The following CACNA1F variants were observed in gnomAD, a reference collection of about 807,000 sequenced individuals.
CACNA1F encodes voltage-dependent L-type calcium channel subunit alpha-1F.
In CACNA1F, 59 loss-of-function variants were observed where a neutral mutation model predicts 143.8. That is an observed-to-expected ratio of 0.41 (90% CI 0.33 to 0.51). The LOEUF is 0.51. Ranked by LOEUF, CACNA1F falls within the 20% of genes least tolerant of loss-of-function variation. The probability of loss-of-function intolerance (pLI) is 0.22; values close to 1 mark genes in which losing one functional copy is unlikely to be tolerated. For synonymous variants in CACNA1F, 643 were observed against 649.1 expected (o/e 0.99, Z 0.14); for missense variants, 1,411 against 1,647.5 (o/e 0.86, Z 2.48).
At position 49,215,146 on chromosome X, in the gene CACNA1F, A is replaced by AGC; in HGVS notation, c.3535_3536dup (p.Ala1180LeufsTer6). The AGC allele has an allele frequency of 8.3e-7, 1 of 1,210,066 alleles. No individual in the cohort carries two copies. The highest frequency in any genetic ancestry group is 1.1e-6 in the Non-Finnish European group (1 of 893,935). On this transcript the variant is annotated frameshift_variant, in exon 29 of 48. Transcript: ENST00000323022. LOFTEE classifies it high-confidence loss of function. Reference sequence around the variant, plus strand: ...GCAGGAACATCAGGTACTCAAAGGCAGCAGAGTTCACAGTGGCCCACACAC... The same window carrying AGC: ...GCAGGAACATCAGGTACTCAAAGGCAGCGCAGAGTTCACAGTGGCCCACACAC...
At position 49,223,040 on chromosome X, in the gene CACNA1F, G is replaced by A; in HGVS notation, c.1974C>T (p.Ile658=). The A allele has an allele frequency of 2.5e-6, 3 of 1,201,157 alleles. No homozygotes were observed. In the African/African-American group the frequency reaches 5.2e-5, roughly 21 times the overall value. The change falls in exon 15 of 48, where the codon ATC becomes ATT. Residue 658 remains isoleucine, a synonymous_variant. Coordinates refer to ENST00000323022, the MANE Select transcript of CACNA1F (RefSeq NM_001256789.3). The stretch of plus-strand genomic sequence containing the variant: ...ACAGCTGCATGCCAAGCAGGGAGAA[G>A]ATAATGATGAAGAGGAAGAGGAGAA... ...LLLLLFLFII[I]FSLLGMQLFG...
chrX:49,206,428 T>C, intron 46 of CACNA1F, 83 bp downstream of exon 46: 1 of 467,793 alleles, frequency 2.1e-6, no homozygotes. Context: ...AAGGGCCTGA[T>C]ATGTGCTGTG....
rs782364419 is a variant in CACNA1F, at chrX:49,208,645, C to A, written c.4993G>T (p.Gly1665Trp). The change falls in exon 43 of 48, where the codon GGG becomes TGG. Residue 1665 changes from glycine (G) to tryptophan (W), a missense_variant. Transcript: ENST00000323022. ...VSQPSARRGS[G>W]ISVSLPVGDR... ...CCGACAGGCAGAGACACAGAAATCCCGGAGCCCCGGCGAGCTGAGGGCTGG... is the reference window on the plus strand; with the variant it reads ...CCGACAGGCAGAGACACAGAAATCCAGGAGCCCCGGCGAGCTGAGGGCTGG... 8.3e-7 allele frequency: 1 copy of A among 1,210,601 alleles called. No individual in the cohort carries two copies. The highest frequency in any genetic ancestry group is 3.0e-5 in the East Asian group (1 of 33,809).
chrX:49,213,753 C>A (rs1439218905), intron 31 of CACNA1F, 66 bp downstream of exon 31: 11 of 810,185 alleles, frequency 1.4e-5, no homozygotes, highest in Non-Finnish European at 2.1e-5. Flanking sequence ...TGAAAGGGAA[C>A]CCCGGGATAG....
chrX:49,232,637 G>GAATCAAA lies in CACNA1F; in HGVS notation c.25+641_25+647dup, dbSNP rs2065888574. Among the ~76,000 whole-genome samples the GAATCAAA allele has an allele frequency of 3.6e-5, 4 of 111,763 alleles. No homozygotes were observed. In the South Asian group the frequency reaches 1.5e-3, roughly 42 times the overall value. Reference sequence around the variant, plus strand: ...GTGTTATGAGGATTAAATGAGTTCAGAATCAAAAGAATGCCTGGCACATAG... The same window carrying GAATCAAA: ...GTGTTATGAGGATTAAATGAGTTCAGAATCAAAAATCAAAAGAATGCCTGGCACATAG... On this transcript the variant is annotated intron_variant, in intron 1 of 47. Transcript: ENST00000323022.
At position 49,219,318 on chromosome X, in the gene CACNA1F, C is replaced by A; in HGVS notation, c.2673+3G>T. ...AGCTCCTAGCTCCCAGCCAAAGGCTCACATGGTTGCGGAAGGAGTGGGCTC... is the reference window on the plus strand; with the variant it reads ...AGCTCCTAGCTCCCAGCCAAAGGCTAACATGGTTGCGGAAGGAGTGGGCTC... On this transcript the variant is annotated splice_donor_region_variant and intron_variant, in intron 21 of 47. Transcript: ENST00000323022. 8.3e-7 allele frequency: 1 copy of A among 1,207,693 alleles called. No homozygotes were observed. The highest frequency in any genetic ancestry group is 1.1e-6 in the Non-Finnish European group (1 of 893,811).
intron 1 of CACNA1F, 126 bp from the exon 2 acceptor site, chrX:49,232,053 G>T: frequency 1.5e-6 from 1 of 686,803 alleles, no homozygotes; most frequent in Non-Finnish European, 2.1e-6. Flanking sequence ...AGAACTGGGA[G>T]TAGCTGGGTT....
chrX:49,227,249 G>T, intron 8 of CACNA1F, 122 bp from the exon 9 acceptor site: 1 of 558,831 alleles, frequency 1.8e-6, no homozygotes, highest in Non-Finnish European at 3.0e-6. Context: ...TAGCCTCAGG[G>T]CCTTTGCACT....
chrX:49,216,372 T>C lies in CACNA1F; in HGVS notation c.3236+10A>G. ...TCATCCCCTGATAAACCCAGGGCCC[T>C]GTCCCTCACGCAGGCCAGCCTTCAA... On this transcript the variant is annotated intron_variant, in intron 27 of 47. Transcript: ENST00000323022. The C allele has an allele frequency of 8.3e-7, 1 of 1,209,478 alleles. No homozygotes were observed. The highest frequency in any genetic ancestry group is 1.7e-5 in the African/African-American group (1 of 57,879).
At position 49,228,300 on chromosome X, in the gene CACNA1F, G is replaced by A. The variant is rs1557110487; in HGVS notation, c.965C>T (p.Thr322Ile). The stretch of plus-strand genomic sequence containing the variant: ...TTCCATGGTGACACACTGGAAGACT[G>A]TCAGCATGGCGAAGAAGAAGTTGTC... ...NFDNFFFAMLTVFQCVTMEGW... is the reference protein window; with the variant it reads ...NFDNFFFAMLIVFQCVTMEGW... The change falls in exon 7 of 48, where the codon ACA becomes ATA. Residue 322 changes from threonine (T) to isoleucine (I), a missense_variant. This residue lies in a region of CACNA1F where 950 missense variants were observed against 1,128.1 expected (regional missense o/e 0.84). Transcript: ENST00000323022. 8.3e-7 allele frequency: 1 copy of A among 1,211,964 alleles called. No homozygotes were observed. The highest frequency in any genetic ancestry group is 2.2e-5 in the Admixed American group (1 of 46,124).
At chrX:49,229,642 C>T (rs782290600) in intron 6 of CACNA1F, among the ~76,000 whole-genome samples, 149 of 108,061 alleles carry the variant, frequency 1.4e-3, no homozygotes, top group African/African-American at 4.5e-3. Flanking sequence ...GTTTTTGAGA[C>T]GGAGTCTCGC....
intron 17 of CACNA1F, chrX:49,222,238 A>C: frequency 3.0e-6 from 1 of 337,091 alleles, no homozygotes; most frequent in East Asian, 4.9e-5. Context: ...TTATATATTC[A>C]TTTGTTTTAT....
At chrX:49,215,624 T>C in intron 27 of CACNA1F, 81 bp from the exon 28 acceptor site, 1 of 638,257 alleles carries the variant, frequency 1.6e-6, no homozygotes, top group Non-Finnish European at 2.4e-6. Context: ...CCAGTCTACT[T>C]ATCACAGACA....
intron 11 of CACNA1F, 55 bp downstream of exon 11, chrX:49,226,354 T>G: frequency 8.7e-7 from 1 of 1,146,487 alleles, no homozygotes; most frequent in Non-Finnish European, 1.2e-6. Flanking sequence ...AAGAAAGGAC[T>G]TGAGTCAGGG....
chrX:49,227,088 C>T lies in CACNA1F; in HGVS notation c.1158G>A (p.Gly386=), dbSNP rs201781226. 8.3e-7 allele frequency: 1 copy of T among 1,197,890 alleles called. No homozygotes were observed. The highest frequency in any genetic ancestry group is 3.0e-5 in the East Asian group (1 of 33,259). The part of the protein sequence containing the change: ...SKEREKAKAR[G]DFQKQREKQQ... ...GCTTCTCCCGCTGCTTCTGGAAGTC[C>T]CCGCGAGCTTTCGCTTTCTCTCTCT... Residue 386 remains glycine (G), a synonymous_variant, in exon 9 of 48, where the codon GGG becomes GGA. Coordinates refer to ENST00000323022, the MANE Select transcript of CACNA1F (RefSeq NM_001256789.3).
At chrX:49,229,617 G>A (rs888383344) in intron 6 of CACNA1F, among the ~76,000 whole-genome samples, 1 of 110,004 alleles carries the variant, frequency 9.1e-6, no homozygotes, top group African/African-American at 3.3e-5. Context: ...CAGAGTTTTT[G>A]TTTTGTTTTG....
In CACNA1F at chrX:49,217,904, G is replaced by A. The variant is rs2065734076; in HGVS notation, c.3030C>T (p.Leu1010=). ...CCTCCAGTGTTTGCCCCACCTTGAA[G>A]AGCTGCACCCCGATGCAGGCGAACA... ...QFMFACIGVQ[L]FKGKFYTCTD... Residue 1010 remains leucine (L), a synonymous_variant, in exon 25 of 48, where the codon CTC becomes CTT. Coordinates refer to ENST00000323022, the MANE Select transcript of CACNA1F (RefSeq NM_001256789.3). 8 of 1,205,311 alleles carry A rather than the reference G, an allele frequency of 6.6e-6. No individual in the cohort carries two copies. Among genetic ancestry groups the A allele is most frequent in the Admixed American group, 2.2e-5 (1 of 45,728 alleles).
chrX:49,222,911 A>G lies in CACNA1F; in HGVS notation c.2085+18T>C. 4.6e-6 allele frequency: 4 copies of G among 862,236 alleles called. No individual in the cohort carries two copies. The highest frequency in any genetic ancestry group is 6.5e-6 in the Non-Finnish European group (4 of 615,694). The allele number at this position is 862,236 out of a possible 1,213,427, so 71.1% of individuals were successfully genotyped here. The stretch of plus-strand genomic sequence containing the variant: ...AGGGTCTCCCCGACCCACCCATCCC[A>G]TGGTCTCCAGATCCTACCTGAAAGA... On this transcript the variant is annotated intron_variant, in intron 15 of 47. Transcript: ENST00000323022.
intron 1 of CACNA1F, 149 bp from the exon 2 acceptor site, chrX:49,232,076 G>T: frequency 1.9e-6 from 1 of 537,898 alleles, no homozygotes; most frequent in Admixed American, 3.9e-5. Flanking sequence ...GGACTGGGAA[G>T]TAAGAGTGTT....
Sources: allele counts gnomAD v4.1 joint callset (sites outside exome capture counted in the v4.1 genomes callset), GRCh38; gene constraint gnomAD v4.1.1; regional missense constraint gnomAD v4.1.1; transcripts MANE v1.5; gene names NCBI Gene and HGNC (gene_info 2026-07-23, HGNC 2026-07-21).